The following TTC34 variants were observed in gnomAD, a reference collection of about 807,000 sequenced individuals.
The protein encoded by TTC34 is tetratricopeptide repeat protein 34.
A neutral mutation model predicts 40.7 loss-of-function variants in TTC34; 44 were observed. The observed-to-expected ratio is 1.08, with a 90% confidence interval of 0.85 to 1.39. TTC34 has a LOEUF of 1.39. Among genes scored for constraint, TTC34 ranks in the 40% most tolerant of loss-of-function variants. TTC34 has a pLI of 0.00. For synonymous variants in TTC34, 422 were observed against 398.6 expected, an observed-to-expected ratio of 1.06 and a Z score of -0.70; for missense variants, 884 against 838.0, an observed-to-expected ratio of 1.05 and a Z score of -0.68.
In TTC34 at chr1:2,796,421, G is replaced by A. The variant is rs534960885; in HGVS notation, c.784+3623C>T. Among the ~76,000 whole-genome samples the A allele has an allele frequency of 7.2e-5, 11 of 152,262 alleles. No homozygotes were observed. The East Asian group carries it at 1.7e-3, about 24-fold the overall frequency. On this transcript the variant is annotated intron_variant, in intron 2 of 8. Transcript: ENST00000401095. This position sits in a 1 kb window ranked among gnomAD's most constrained non-coding sequence, Gnocchi z 4.5. ...TGGCGATGTGGGGAGTCCCTTGACC[G>A]AAGTGACTTGGGTCTAATGGATGCA...
chr1:2,657,502 C>A (rs1227031347), intron 6 of TTC34, among the ~76,000 whole-genome samples: 9 of 97,472 alleles, frequency 9.2e-5, no homozygotes, highest in South Asian at 5.9e-4. Flanking sequence ...CACCCACAAC[C>A]CCAGGCGAGC....
chr1:2,767,160 T>A (rs1330320542), intron 6 of TTC34, among the ~76,000 whole-genome samples: 236 of 2,374 alleles, frequency 0.099, no homozygotes, highest in African/African-American at 0.12. Flanking sequence ...CAGCATCCAC[T>A]CCCCCAGGTG....
Position 2,682,031 on chromosome 1 carries a change from G to C in TTC34, c.2227-36468C>G, listed in dbSNP as rs1478587296. On this transcript the variant is annotated intron_variant, in intron 6 of 8. Coordinates refer to ENST00000401095, the Ensembl canonical transcript of TTC34. Reference sequence around the variant, plus strand: ...GCCTGGAACAACACCCATACCCACAGGTGAGCATCTGACATTGTGGAGCAG... The same window carrying C: ...GCCTGGAACAACACCCATACCCACACGTGAGCATCTGACATTGTGGAGCAG... Among the ~76,000 whole-genome samples the C allele has an allele frequency of 2.0e-5, 2 of 98,640 alleles. 1 individual carries two copies. Among genetic ancestry groups the C allele is most frequent in the African/African-American group, 8.4e-5 (2 of 23,894 alleles). The allele number at this position is 98,640 out of a possible 152,430, so 64.7% of individuals were successfully genotyped here.
intron 6 of TTC34, among the ~76,000 whole-genome samples, chr1:2,760,250 G>C (rs1373275957): frequency 2.0e-4 from 12 of 58,884 alleles, no homozygotes; most frequent in African/African-American, 5.6e-4. Flanking sequence ...AACCCCAGGC[G>C]AGCATCTGAC....
intron 6 of TTC34, among the ~76,000 whole-genome samples, chr1:2,688,715 T>G (rs1463823485): frequency 2.5e-5 from 3 of 117,966 alleles, no homozygotes; most frequent in Non-Finnish European, 5.0e-5. Context: ...TCTGACAGCC[T>G]GGAACAGCGG....
chr1:2,753,119 G>T (rs1641381048), intron 6 of TTC34, among the ~76,000 whole-genome samples: 1 of 135,014 alleles, frequency 7.4e-6, no homozygotes, highest in Non-Finnish European at 1.6e-5. Context: ...CCGACAGCCT[G>T]GAACAGCACC....
At chr1:2,792,351 A>G (rs1643673136) in intron 2 of TTC34, among the ~76,000 whole-genome samples, 1 of 152,088 alleles carries the variant, frequency 6.6e-6, no homozygotes, top group South Asian at 2.1e-4. Context: ...CATCAGTTCA[A>G]TCGTTAGGTC....
At chr1:2,788,501 C>CCG (rs540428312) in intron 3 of TTC34, among the ~76,000 whole-genome samples, 1 of 152,124 alleles carries the variant, frequency 6.6e-6, no homozygotes, top group Admixed American at 6.5e-5. Context: ...CCCCACCCCC[C>CCG]GGACTCAGTG....
chr1:2,684,784 A>G (rs1300224081), intron 6 of TTC34, among the ~76,000 whole-genome samples: 4 of 114,466 alleles, frequency 3.5e-5, no homozygotes, highest in African/African-American at 4.2e-5. Context: ...ACGGCCTGGA[A>G]CAGCACCCAC....
intron 6 of TTC34, among the ~76,000 whole-genome samples, chr1:2,657,628 G>T (rs1262000352): frequency 6.6e-4 from 40 of 60,790 alleles, no homozygotes; most frequent in South Asian, 9.2e-4. Context: ...CACCCCCAGG[G>T]GAGCATCTGA....
chr1:2,801,273 C>A (rs372610371), intron 1 of TTC34, among the ~76,000 whole-genome samples: 2 of 152,092 alleles, frequency 1.3e-5, no homozygotes, highest in Non-Finnish European at 2.9e-5. Context: ...GCACACCCCC[C>A]GTCAGTCCAG....
In TTC34 at chr1:2,755,897, C is replaced by A. The variant is rs1341430350; in HGVS notation, c.2226+27712G>T. Among the ~76,000 whole-genome samples the A allele has an allele frequency of 3.6e-5, 3 of 82,990 alleles. 1 individual carries two copies. The allele number at this position is 82,990 out of a possible 152,430, so 54.4% of individuals were successfully genotyped here. On this transcript the variant is annotated intron_variant, in intron 6 of 8. Transcript: ENST00000401095. ...GAGCACCTGACATCCTTGAGCAGCA[C>A]CCACACCCCCAGGTGAGCATCTGAC...
At chr1:2,652,354 C>T (rs200339338) in intron 6 of TTC34, among the ~76,000 whole-genome samples, 101 of 10,016 alleles carry the variant, frequency 0.01, no homozygotes, top group Admixed American at 0.014. Context: ...TATCCTGGAA[C>T]AGCACGCACA....
chr1:2,750,817 G>C (rs1284166783), intron 6 of TTC34, among the ~76,000 whole-genome samples: 3 of 130,394 alleles, frequency 2.3e-5, no homozygotes, highest in African/African-American at 6.5e-5. Flanking sequence ...CCCCAGGCGA[G>C]CATCTGACAG....
chr1:2,797,900 C>T (rs1251551357), intron 2 of TTC34, among the ~76,000 whole-genome samples: 1 of 152,030 alleles, frequency 6.6e-6, no homozygotes, highest in Admixed American at 6.6e-5. Flanking sequence ...AATCTACCCA[C>T]AATCTCGTCA....
intron 6 of TTC34, among the ~76,000 whole-genome samples, chr1:2,699,431 C>G (rs1420584942): frequency 1.0e-5 from 1 of 96,168 alleles, no homozygotes. Context: ...GAGTATCTGA[C>G]AGCCTGGAAC....
intron 8 of TTC34, among the ~76,000 whole-genome samples, chr1:2,643,984 C>G (rs1041939695): frequency 2.0e-5 from 3 of 152,200 alleles, no homozygotes; most frequent in Admixed American, 6.5e-5. Flanking sequence ...TCAGTCTGGC[C>G]CTGAGGGCAA....
At chr1:2,700,341 G>T (rs865956397) in intron 6 of TTC34, among the ~76,000 whole-genome samples, 3 of 113,944 alleles carry the variant, frequency 2.6e-5, no homozygotes, top group African/African-American at 8.3e-5. Flanking sequence ...TCCCGCAGGT[G>T]AGCATCCGAC....
chr1:2,640,462 G>C (rs924131289), exon 9 of TTC34: 3 of 152,192 alleles, frequency 2.0e-5, no homozygotes, highest in African/African-American at 7.2e-5. Context: ...TGGGAGCCTG[G>C]GGACTGTGCT....
Sources: gnomAD v4.1 joint callset for allele counts (sites outside exome capture counted in the v4.1 genomes callset) on GRCh38, gnomAD v4.1.1 for gene constraint, Gnocchi (gnomAD v3.1) non-coding constraint, MANE v1.5 for transcripts, NCBI Gene and HGNC (gene_info 2026-07-23, HGNC 2026-07-21) for gene names.